The following FSTL4 variants were observed in gnomAD, a reference collection of about 807,000 sequenced individuals.
FSTL4 encodes the protein follistatin like 4.
A neutral mutation model predicts 78.2 loss-of-function variants in FSTL4; 28 were observed. The observed-to-expected ratio is 0.36, with a 90% CI of 0.27 to 0.49. The LOEUF is 0.49. FSTL4 is among the 20% of genes least tolerant of loss of function. FSTL4 has a pLI of 0.98. For missense variants in FSTL4, 922 were observed against 1,084.9 expected (o/e 0.85, Z 2.11); for synonymous variants, 422 against 440.5 (o/e 0.96, Z 0.53).
At chr5:133,715,174 A>T in the FSTL4 span, among the ~76,000 whole-genome samples, 2 of 152,260 alleles carry the variant, frequency 1.3e-5, no homozygotes, top group African/African-American at 4.8e-5. Context: ...ACAAATTAGG[A>T]TAGAAGATCT....
In FSTL4 at chr5:133,199,663, C is replaced by T; in HGVS notation, c.1961G>A (p.Gly654Asp). 2 of 1,614,152 alleles carry T rather than the reference C, an allele frequency of 1.2e-6. No homozygotes were observed. Among genetic ancestry groups the T allele is most frequent in the Non-Finnish European group, 1.7e-6 (2 of 1,180,024 alleles). ...CTGTCGGCACTGGATGAAGAAGTAG[C>T]CGCCCAGGTGGGTGTGTGCCATGGC... Reference protein sequence around the residue: ...PQAMAHTHLGGYFFIQCRQDS... With the variant: ...PQAMAHTHLGDYFFIQCRQDS... The change falls in exon 16 of 16, where the codon GGC (glycine) becomes GAC (aspartate). Residue 654 changes from glycine to aspartate, a missense_variant. Physicochemically the swap from Gly to Asp is moderately conservative, Grantham distance 94 (BLOSUM62 -1). Transcript: ENST00000265342. This position sits in a 1 kb window ranked among gnomAD's most constrained non-coding sequence, Gnocchi z 4.4.
At chr5:133,408,522 G>C (rs930509171) in intron 3 of FSTL4, among the ~76,000 whole-genome samples, 2 of 151,696 alleles carry the variant, frequency 1.3e-5, no homozygotes, top group Non-Finnish European at 1.5e-5. Flanking sequence ...ACGCTGCTGT[G>C]GGGGAGCTGA....
chr5:133,239,013 C>T (rs537750775), intron 7 of FSTL4, among the ~76,000 whole-genome samples: 1 of 152,328 alleles, frequency 6.6e-6, no homozygotes, highest in East Asian at 1.9e-4. Context: ...GGAACCGGGG[C>T]TGTGCGAGGG....
At chr5:133,800,980 C>T in the FSTL4 span, among the ~76,000 whole-genome samples, 2 of 152,124 alleles carry the variant, frequency 1.3e-5, no homozygotes, top group African/African-American at 4.8e-5. Context: ...ATCCATCACG[C>T]TGCCACGACA....
the FSTL4 span, among the ~76,000 whole-genome samples, chr5:133,678,502 A>G: frequency 6.6e-6 from 1 of 152,128 alleles, no homozygotes; most frequent in Admixed American, 6.5e-5. Flanking sequence ...CCATTGGATC[A>G]ATGTTGGTAG....
At chr5:133,467,834 A>G (rs965694997) in intron 3 of FSTL4, among the ~76,000 whole-genome samples, 1 of 152,180 alleles carries the variant, frequency 6.6e-6, no homozygotes, top group Admixed American at 6.5e-5. Context: ...GCTGTGAACT[A>G]AACACTCCTA....
the FSTL4 span, among the ~76,000 whole-genome samples, chr5:133,748,399 A>G: frequency 1.3e-5 from 2 of 151,302 alleles, no homozygotes; most frequent in African/African-American, 2.4e-5. Context: ...GTGAAACCCT[A>G]TCTCTACTAA....
chr5:133,661,616 G>T, the FSTL4 span, among the ~76,000 whole-genome samples: 2 of 152,180 alleles, frequency 1.3e-5, no homozygotes, highest in African/African-American at 4.8e-5. Context: ...ATTTTCTCCA[G>T]TTAGAAAGGT....
chr5:133,782,176 A>G, the FSTL4 span, among the ~76,000 whole-genome samples: 2 of 152,270 alleles, frequency 1.3e-5, no homozygotes, highest in Admixed American at 1.3e-4. Context: ...CATCTGTGGG[A>G]AAATATTTAG....
chr5:133,556,393 T>A (rs959237569), intron 3 of FSTL4, among the ~76,000 whole-genome samples: 2 of 152,140 alleles, frequency 1.3e-5, no homozygotes, highest in Non-Finnish European at 2.9e-5. Flanking sequence ...GCCTCTAAAT[T>A]GTCTTGAATG....
At chr5:133,778,748 G>A in the FSTL4 span, among the ~76,000 whole-genome samples, 1 of 152,172 alleles carries the variant, frequency 6.6e-6, no homozygotes, top group Non-Finnish European at 1.5e-5. Context: ...AAGGGTTTCG[G>A]CACTCGCAGC....
intron 6 of FSTL4, among the ~76,000 whole-genome samples, chr5:133,292,014 C>A (rs2126869443): frequency 6.6e-6 from 1 of 152,314 alleles, no homozygotes; most frequent in East Asian, 1.9e-4. Context: ...AGCAGCTTCC[C>A]AGACTTGGCC....
At chr5:133,231,451 C>A (rs1483158568) in intron 8 of FSTL4, among the ~76,000 whole-genome samples, 3 of 152,170 alleles carry the variant, frequency 2.0e-5, no homozygotes, top group Non-Finnish European at 4.4e-5. Context: ...AGAGACCCAA[C>A]TCTTTCCTTT....
At chr5:133,545,830 A>G (rs1214917905) in intron 3 of FSTL4, among the ~76,000 whole-genome samples, 1 of 152,228 alleles carries the variant, frequency 6.6e-6, no homozygotes, top group Non-Finnish European at 1.5e-5. Flanking sequence ...GATAGTCTAG[A>G]ACTTCTCAGA....
chr5:133,204,796 A>G (rs1750440480), intron 14 of FSTL4, among the ~76,000 whole-genome samples: 2 of 149,780 alleles, frequency 1.3e-5, no homozygotes, highest in South Asian at 4.2e-4. Flanking sequence ...AGATTGTGCC[A>G]CTGCACTCCA....
At chr5:133,278,800 T>A (rs947887724) in intron 6 of FSTL4, among the ~76,000 whole-genome samples, 3 of 152,212 alleles carry the variant, frequency 2.0e-5, no homozygotes, top group African/African-American at 7.2e-5. Flanking sequence ...GGGGCATTTC[T>A]TGCTCCAGAC....
intron 3 of FSTL4, among the ~76,000 whole-genome samples, chr5:133,427,915 T>C (rs555601619): frequency 5.4e-4 from 82 of 152,278 alleles, no homozygotes; most frequent in Non-Finnish European, 9.1e-4. Flanking sequence ...TCTGGAAACA[T>C]TGGGCAGGCA....
rs534819077 is a variant in FSTL4 at position 133,203,912 on chromosome 5, C to T, written c.1717-1870G>A. On this transcript the variant is annotated intron_variant, in intron 14 of 15. Transcript: ENST00000265342. ...ATGTCAGCCTCGTTTCTCTGAGTCA[C>T]GAGTTCCTCCTCGGCTTTTTCTTGT... Among the ~76,000 whole-genome samples, 161 of 152,326 alleles carry T rather than the reference C, an allele frequency of 1.1e-3. 2 individuals are homozygous for T. The highest frequency in any genetic ancestry group is 4.2e-3 in the East Asian group (22 of 5,188).
intron 3 of FSTL4, among the ~76,000 whole-genome samples, chr5:133,509,001 A>G (rs1758670391): frequency 1.3e-5 from 2 of 152,188 alleles, no homozygotes; most frequent in South Asian, 4.1e-4. Flanking sequence ...GCATACCTCT[A>G]GAAGCACATT....
Sources: allele counts gnomAD v4.1 joint callset (sites outside exome capture counted in the v4.1 genomes callset), GRCh38; gene constraint gnomAD v4.1.1; non-coding constraint Gnocchi (gnomAD v3.1); transcripts MANE v1.5; gene names NCBI Gene and HGNC (gene_info 2026-07-23, HGNC 2026-07-21).